The following NRG1 variants were observed in gnomAD, a reference collection of about 807,000 sequenced individuals.
The protein encoded by NRG1 is neuregulin 1.
In NRG1, 18 loss-of-function variants were observed where a neutral mutation model predicts 63.8. That is an observed-to-expected ratio of 0.28 (90% confidence interval 0.19 to 0.42). The LOEUF is 0.42. Among genes scored for constraint, NRG1 ranks in the 10% least tolerant of loss-of-function variants. NRG1 has a pLI of 1.00. For missense variants in NRG1, 762 were observed against 814.7 expected (o/e 0.94, Z 0.79); for synonymous variants, 302 against 301.3 (o/e 1.00, Z -0.02).
intron 1 of NRG1, among the ~76,000 whole-genome samples, chr8:32,175,928 A>G (rs1031448335): frequency 3.9e-5 from 6 of 152,364 alleles, no homozygotes; most frequent in East Asian, 1.9e-4. Context: ...TATAGATTCA[A>G]TGCCATCCCC....
At chr8:32,056,223 G>C (rs1179288135) in intron 1 of NRG1, among the ~76,000 whole-genome samples, 1 of 152,112 alleles carries the variant, frequency 6.6e-6, no homozygotes, top group African/African-American at 2.4e-5. Context: ...AAAGTTGCGA[G>C]AGAATATGGC....
chr8:32,599,993 A>G (rs1368815513), intron 2 of NRG1, among the ~76,000 whole-genome samples: 1 of 152,150 alleles, frequency 6.6e-6, no homozygotes, highest in Non-Finnish European at 1.5e-5. Context: ...TTAGCTGAGC[A>G]ACTCTGGCAG....
chr8:31,913,115 G>T (rs1833082679), intron 1 of NRG1, among the ~76,000 whole-genome samples: 3 of 152,094 alleles, frequency 2.0e-5, no homozygotes, highest in African/African-American at 7.2e-5. Flanking sequence ...AAGAGGTTAA[G>T]TTAATTTCTC....
intron 1 of NRG1, among the ~76,000 whole-genome samples, chr8:32,431,248 A>G (rs1026413661): frequency 3.3e-5 from 5 of 152,188 alleles, no homozygotes; most frequent in African/African-American, 1.2e-4. Flanking sequence ...TGTGTAATAC[A>G]TAAAGTCACT....
intron 1 of NRG1, among the ~76,000 whole-genome samples, chr8:32,574,691 G>A (rs889362960): frequency 6.6e-6 from 1 of 152,134 alleles, no homozygotes; most frequent in African/African-American, 2.4e-5. Context: ...GCTCCCTGAG[G>A]CTTCACCAGA....
At chr8:32,618,046 T>C (rs1015566144) in intron 5 of NRG1, among the ~76,000 whole-genome samples, 1 of 152,154 alleles carries the variant, frequency 6.6e-6, no homozygotes, top group Non-Finnish European at 1.5e-5. Flanking sequence ...AAGGGCCAAA[T>C]TAGTTTCCTA....
intron 5 of NRG1, among the ~76,000 whole-genome samples, chr8:32,626,549 G>A (rs767472620): frequency 4.6e-5 from 7 of 151,890 alleles, no homozygotes; most frequent in Non-Finnish European, 8.8e-5. Flanking sequence ...GCATGGTGGC[G>A]GTTGCCTGTA....
At chr8:32,102,236 C>T (rs1830670394) in intron 1 of NRG1, among the ~76,000 whole-genome samples, 1 of 152,158 alleles carries the variant, frequency 6.6e-6, no homozygotes, top group Non-Finnish European at 1.5e-5. Context: ...CTCTCAGGCT[C>T]AGGTGATCCT....
rs1339895752 is a variant in NRG1, at chr8:32,195,352, T to C, written c.38-400476T>C. 4.6e-5 allele frequency among the ~76,000 whole-genome samples: 7 copies of C among 151,000 alleles called. No homozygotes were observed. In the East Asian group the frequency reaches 1.4e-3, roughly 29 times the overall value. ...TGCTCAGGAGGCTGGGGTGGGAGAA[T>C]CACTTGACCCCAGGAGGTCAAGGCT... On this transcript the variant is annotated intron_variant, in intron 1 of 10. Transcript: ENST00000519301.
chr8:32,536,353 G>A (rs533593490), intron 1 of NRG1, among the ~76,000 whole-genome samples: 30 of 152,276 alleles, frequency 2.0e-4, no homozygotes, highest in African/African-American at 7.2e-4. Flanking sequence ...TCAGGTCTTA[G>A]ATGTGTGGCC....
intron 1 of NRG1, among the ~76,000 whole-genome samples, chr8:32,042,681 G>A (rs886960503): frequency 6.6e-6 from 1 of 151,662 alleles, no homozygotes; most frequent in Non-Finnish European, 1.5e-5. Context: ...AAAGGAAGAA[G>A]GTCTCAACAA....
At position 32,750,360 on chromosome 8, in the gene NRG1, G is replaced by A. The variant is rs536545711; in HGVS notation, c.692-4012G>A. Among the ~76,000 whole-genome samples the A allele has an allele frequency of 1.6e-3, 246 of 152,120 alleles. 1 individual carries two copies. The highest frequency in any genetic ancestry group is 5.8e-3 in the African/African-American group (241 of 41,508). ...AAATTTGGACACACTTTTTTGTAAG[G>A]CCTTCATCCTACATAGTTGGGATTG... On this transcript the variant is annotated intron_variant, in intron 7 of 11. Transcript: ENST00000356819.
chr8:32,663,321 G>T lies in NRG1; in HGVS notation c.502+46436G>T, dbSNP rs145416257. On this transcript the variant is annotated intron_variant, in intron 5 of 11. Coordinates refer to ENST00000356819, the Ensembl canonical transcript of NRG1. ...TAAGTACTTTCCTCTCTTTCCTCTA[G>T]GCTTTGACAGTATCCAGTATTTTCC... 4.2e-3 allele frequency among the ~76,000 whole-genome samples: 643 copies of T among 152,074 alleles called. 2 individuals are homozygous for T. The highest frequency in any genetic ancestry group is 0.015 in the South Asian group (72 of 4,818).
At chr8:32,399,598 G>T (rs1812903310) in intron 1 of NRG1, among the ~76,000 whole-genome samples, 1 of 152,150 alleles carries the variant, frequency 6.6e-6, no homozygotes, top group Admixed American at 6.5e-5. Context: ...CCAGCTACTT[G>T]GGAGGCTGAG....
intron 1 of NRG1, among the ~76,000 whole-genome samples, chr8:32,460,595 C>T (rs1269998099): frequency 6.6e-6 from 1 of 152,150 alleles, no homozygotes; most frequent in Non-Finnish European, 1.5e-5. Flanking sequence ...TTCTATAGAT[C>T]CATTTATAAA....
At chr8:32,289,067 T>A (rs1872798) in intron 1 of NRG1, among the ~76,000 whole-genome samples, 28,352 of 152,076 alleles carry the variant, frequency 0.19, 2,735 homozygotes, top group African/African-American at 0.25. Flanking sequence ...GAAGGAGAGT[T>A]ATAGATTTTG....
intron 1 of NRG1, among the ~76,000 whole-genome samples, chr8:31,883,415 A>G (rs1191265787): frequency 2.0e-5 from 3 of 152,142 alleles, no homozygotes; most frequent in Admixed American, 1.3e-4. Context: ...TTTATTATTC[A>G]GTTCACTAGA....
intron 1 of NRG1, among the ~76,000 whole-genome samples, chr8:32,057,847 A>G (rs1293847465): frequency 1.3e-5 from 2 of 152,082 alleles, no homozygotes; most frequent in Non-Finnish European, 2.9e-5. Context: ...TCCTTCTTTT[A>G]ATGAATGACA....
intron 1 of NRG1, among the ~76,000 whole-genome samples, chr8:31,808,881 G>A (rs1198590034): frequency 6.6e-6 from 1 of 151,838 alleles, no homozygotes; most frequent in Non-Finnish European, 1.5e-5. Context: ...TTGTTATTTT[G>A]TGTTGTCTTT....
Sources: gnomAD v4.1 joint callset for allele counts (sites outside exome capture counted in the v4.1 genomes callset) on GRCh38, gnomAD v4.1.1 for gene constraint, MANE v1.5 for transcripts, NCBI Gene and HGNC (gene_info 2026-07-23, HGNC 2026-07-21) for gene names.